The following TSPAN15 variants were observed in gnomAD, a reference collection of about 807,000 sequenced individuals.
TSPAN15 encodes the protein tetraspanin-15.
Under a neutral mutation model 34.5 loss-of-function variants are expected in TSPAN15, and 20 were observed. That is an observed-to-expected ratio of 0.58 (90% CI 0.41 to 0.84). TSPAN15 has a LOEUF of 0.84. Among genes scored for constraint, TSPAN15 ranks in the 40% least tolerant of loss-of-function variants. The pLI is 0.00. For synonymous variants in TSPAN15, 155 were observed against 153.9 expected, an observed-to-expected ratio of 1.01 and a Z score of -0.05; for missense variants, 313 against 386.1, an observed-to-expected ratio of 0.81 and a Z score of 1.59.
intron 3 of TSPAN15, chr10:69,494,735 G>A: frequency 1.0e-6 from 1 of 985,412 alleles, no homozygotes; most frequent in Non-Finnish European, 1.2e-6. Flanking sequence ...TGGCTCTTCA[G>A]TCTGGCACCG....
chr10:69,465,931 T>A (rs1023471634), intron 1 of TSPAN15, among the ~76,000 whole-genome samples: 1 of 152,212 alleles, frequency 6.6e-6, no homozygotes. Context: ...TACAAGACAT[T>A]GCTAACACAG....
chr10:69,467,350 C>T (rs1841406065), intron 1 of TSPAN15, among the ~76,000 whole-genome samples: 1 of 152,182 alleles, frequency 6.6e-6, no homozygotes, highest in Admixed American at 6.5e-5. Flanking sequence ...CAGACCCAGG[C>T]CTCTGGTGAG....
At chr10:69,522,375 C>CAAAA in the TSPAN15 span, among the ~76,000 whole-genome samples, 96 of 48,252 alleles carry the variant, frequency 2.0e-3, no homozygotes, top group African/African-American at 3.0e-3. Context: ...GACCTTGTCT[C>CAAAA]AAAAAAAAAA....
chr10:69,487,337 C>G (rs1311518191), intron 3 of TSPAN15, among the ~76,000 whole-genome samples: 2 of 151,592 alleles, frequency 1.3e-5, no homozygotes, highest in African/African-American at 4.8e-5. Flanking sequence ...GGCAGAGGTG[C>G]CTCAGGAATG....
chr10:69,508,468 A>AAAG (rs747931154), downstream of TSPAN15, among the ~76,000 whole-genome samples: 5,076 of 137,942 alleles, frequency 0.037, 195 homozygotes, highest in South Asian at 0.063. Flanking sequence ...AAAAAAAAAA[A>AAAG]AAGAAGAAGA....
At chr10:69,469,153 A>G (rs978943247) in intron 1 of TSPAN15, among the ~76,000 whole-genome samples, 5 of 150,264 alleles carry the variant, frequency 3.3e-5, no homozygotes, top group African/African-American at 4.9e-5. Context: ...GAAGAGAAAA[A>G]CTCTTGAACA....
chr10:69,483,149 C>T (rs540555321), intron 1 of TSPAN15, among the ~76,000 whole-genome samples: 67 of 152,250 alleles, frequency 4.4e-4, no homozygotes, highest in African/African-American at 1.4e-3. Flanking sequence ...CCACTATGCC[C>T]GGCTGCTTTT....
the TSPAN15 span, among the ~76,000 whole-genome samples, chr10:69,546,580 C>G: frequency 4.3e-3 from 654 of 152,330 alleles, 9 homozygotes; most frequent in African/African-American, 0.015. Context: ...CTTGGGTTCT[C>G]ATTGATTCAA....
chr10:69,525,839 T>C, the TSPAN15 span, among the ~76,000 whole-genome samples: 2 of 145,412 alleles, frequency 1.4e-5, no homozygotes, highest in Non-Finnish European at 3.0e-5. Context: ...AAAAAACTAT[T>C]CAACCTAAGA....
the TSPAN15 span, among the ~76,000 whole-genome samples, chr10:69,535,047 T>C: frequency 2.6e-5 from 4 of 152,138 alleles, no homozygotes; most frequent in Non-Finnish European, 5.9e-5. Flanking sequence ...GTATGAACTG[T>C]TGAGGTATTT....
chr10:69,540,058 T>C, the TSPAN15 span, among the ~76,000 whole-genome samples: 1 of 152,010 alleles, frequency 6.6e-6, no homozygotes, highest in African/African-American at 2.4e-5. Context: ...GCCCGGCTAA[T>C]TTTTGTATTT....
chr10:69,455,625 TC>T lies in TSPAN15; in HGVS notation c.96+3944del, dbSNP rs140635415. 3.1e-3 allele frequency among the ~76,000 whole-genome samples: 256 copies of T among 82,884 alleles called. 7 individuals are homozygous for T. The highest frequency in any genetic ancestry group is 0.016 in the South Asian group (33 of 2,094). The allele number at this position is 82,884 out of a possible 152,430, so 54.4% of individuals were successfully genotyped here. ...CTTTCTTTCTCTCTCTCTCTCTCTCTCCCCCCCCCGTCTCTTTCTTTCTTCC... is the reference window on the plus strand; with the variant it reads ...CTTTCTTTCTCTCTCTCTCTCTCTCTCCCCCCCCGTCTCTTTCTTTCTTCC... On this transcript the variant is annotated intron_variant, in intron 1 of 7. Transcript: ENST00000373290.
At chr10:69,536,814 G>A in the TSPAN15 span, among the ~76,000 whole-genome samples, 74 of 152,014 alleles carry the variant, frequency 4.9e-4, no homozygotes, top group Non-Finnish European at 9.0e-4. Context: ...GCGAAACCCC[G>A]TCTCTACTAA....
intron 1 of TSPAN15, among the ~76,000 whole-genome samples, chr10:69,468,225 T>C: frequency 6.6e-6 from 1 of 151,628 alleles, no homozygotes; most frequent in East Asian, 2.0e-4. Context: ...CTGGGCCCTG[T>C]GTCAGGCACT....
chr10:69,496,369 A>G (rs1272671308), intron 4 of TSPAN15, among the ~76,000 whole-genome samples: 1 of 141,396 alleles, frequency 7.1e-6, no homozygotes, highest in Non-Finnish European at 1.6e-5. Flanking sequence ...TAATAATAAT[A>G]ATGGCAGTGG....
At chr10:69,534,188 A>G in the TSPAN15 span, among the ~76,000 whole-genome samples, 1 of 152,238 alleles carries the variant, frequency 6.6e-6, no homozygotes, top group African/African-American at 2.4e-5. Context: ...TCAATGAAAG[A>G]AAGTGTAAAC....
the TSPAN15 span, chr10:69,523,345 C>A: frequency 1.9e-6 from 1 of 538,426 alleles, no homozygotes; most frequent in South Asian, 1.9e-5. Context: ...GAGTAGCAGG[C>A]TCCCTCCCAC....
Position 69,506,457 on chromosome 10 carries a change from G to A in TSPAN15, c.735+217G>A. On this transcript the variant is annotated intron_variant, in intron 7 of 7. Transcript: ENST00000373290. The surrounding 1 kb of genome is among the most constrained non-coding windows in gnomAD (Gnocchi z 4.7). The stretch of plus-strand genomic sequence containing the variant: ...CTGCTGCTTCACTTCTTTTTGTGAG[G>A]GAGGCACTATTATAATGCCTATTTC... 1.7e-6 allele frequency: 1 copy of A among 598,794 alleles called. No homozygotes were observed. 37.1% of individuals were successfully genotyped at this position (598,794 alleles called of 1,614,324 possible). A position where few individuals can be genotyped will look rare whatever the true frequency, so the allele number is the denominator to read the frequency against.
intron 3 of TSPAN15, among the ~76,000 whole-genome samples, chr10:69,487,973 C>A (rs967921717): frequency 6.6e-6 from 1 of 152,106 alleles, no homozygotes; most frequent in Non-Finnish European, 1.5e-5. Flanking sequence ...TTTGGAGGCT[C>A]AAGCCATGAT....
Sources: gnomAD v4.1 joint callset for allele counts (sites outside exome capture counted in the v4.1 genomes callset) on GRCh38, gnomAD v4.1.1 for gene constraint, Gnocchi (gnomAD v3.1) non-coding constraint, MANE v1.5 for transcripts, NCBI Gene and HGNC (gene_info 2026-07-23, HGNC 2026-07-21) for gene names.